The following GRAP2 variants were observed in gnomAD, a reference collection of about 807,000 sequenced individuals.
GRAP2 encodes the protein GRB2 related adaptor protein 2.
GRAP2 carries 31 observed loss-of-function variants against 43.5 expected under a neutral mutation model. That is an observed-to-expected ratio of 0.71 (90% CI 0.54 to 0.96). The LOEUF is 0.96. Ranked by LOEUF, GRAP2 falls within the 40% of genes least tolerant of loss-of-function variation. The pLI, the probability that GRAP2 is intolerant of heterozygous loss-of-function variation, is 0.00. For synonymous variants in GRAP2, 156 were observed against 164.8 expected (o/e 0.95, Z 0.41); for missense variants, 371 against 424.4 (o/e 0.87, Z 1.11).
chr22:39,928,385 TC>T (rs987112615), intron 1 of GRAP2, among the ~76,000 whole-genome samples: 4 of 152,222 alleles, frequency 2.6e-5, no homozygotes, highest in African/African-American at 9.6e-5. Context: ...TAGCCACTAT[TC>T]CCTTCAAGTT....
rs1274892483 is a variant in GRAP2, at chr22:39,973,168, CA to C, written c.*2085del. The stretch of plus-strand genomic sequence containing the variant: ...AAGCCATAAGTAATGTTTGATTTTA[CA>C]GTATTTACAAACCATATGCTTTAAA... On this transcript the variant is annotated 3_prime_UTR_variant, in exon 8 of 8. Transcript: ENST00000344138. 6.6e-6 allele frequency: 1 copy of C among 152,230 alleles called. No homozygotes were observed. Among genetic ancestry groups the C allele is most frequent in the Non-Finnish European group, 1.5e-5 (1 of 68,042 alleles). The allele number at this position is 152,230 out of a possible 1,614,324, so 9.4% of individuals were successfully genotyped here. A position where few individuals can be genotyped will look rare whatever the true frequency, so the allele number is the denominator to read the frequency against.
chr22:39,961,792 T>C lies in GRAP2; in HGVS notation c.290+1618T>C, dbSNP rs562777392. 1.1e-4 allele frequency among the ~76,000 whole-genome samples: 16 copies of C among 152,370 alleles called. No individual in the cohort carries two copies. The South Asian group carries it at 3.3e-3, about 32-fold the overall frequency. On this transcript the variant is annotated intron_variant, in intron 4 of 7. Coordinates refer to ENST00000344138, the MANE Select transcript of GRAP2 (RefSeq NM_004810.4). ...GGCAGGAAATACCGATCTGGTTTAT[T>C]CAATATATTTTGAAAGGCATAAAGC...
At chr22:39,933,827 C>T (rs1347232131) in intron 1 of GRAP2, among the ~76,000 whole-genome samples, 4 of 149,534 alleles carry the variant, frequency 2.7e-5, no homozygotes, top group East Asian at 2.0e-4. Flanking sequence ...AGCAACAGAG[C>T]GAGACCCTGT....
intron 1 of GRAP2, among the ~76,000 whole-genome samples, chr22:39,938,777 A>T (rs1165123846): frequency 6.6e-6 from 1 of 152,252 alleles, no homozygotes; most frequent in Non-Finnish European, 1.5e-5. Flanking sequence ...CCAGAGGATG[A>T]ATCGTTATTC....
intron 1 of GRAP2, among the ~76,000 whole-genome samples, chr22:39,907,510 G>A (rs1272334877): frequency 1.3e-5 from 2 of 152,216 alleles, no homozygotes; most frequent in African/African-American, 2.4e-5. Context: ...GACAAGGTGG[G>A]AGGATTGCTT....
At chr22:39,897,200 C>T (rs1222481118), upstream of GRAP2, among the ~76,000 whole-genome samples, 5 of 152,136 alleles carry the variant, frequency 3.3e-5, no homozygotes, top group Non-Finnish European at 7.4e-5. Flanking sequence ...CCCACGGTCT[C>T]TCCTGTCTCA....
chr22:39,956,830 G>A (rs543599636), intron 3 of GRAP2, among the ~76,000 whole-genome samples: 25 of 152,066 alleles, frequency 1.6e-4, no homozygotes, highest in Non-Finnish European at 3.1e-4. Flanking sequence ...TTTCAATCAC[G>A]GCGTTCCCCA....
intron 1 of GRAP2, among the ~76,000 whole-genome samples, chr22:39,946,236 G>A (rs969610797): frequency 9.2e-5 from 14 of 152,180 alleles, no homozygotes; most frequent in African/African-American, 3.4e-4. Flanking sequence ...ATGAGGAAAT[G>A]GAGACTCCAA....
At chr22:39,912,066 C>T (rs1476097208) in intron 1 of GRAP2, among the ~76,000 whole-genome samples, 1 of 152,150 alleles carries the variant, frequency 6.6e-6, no homozygotes, top group Non-Finnish European at 1.5e-5. Context: ...TAAAATGTTA[C>T]CAGATTCAAA....
At chr22:39,914,886 TA>T (rs886745823) in intron 1 of GRAP2, among the ~76,000 whole-genome samples, 10 of 151,316 alleles carry the variant, frequency 6.6e-5, no homozygotes, top group East Asian at 5.8e-4. Flanking sequence ...CACAACCTTA[TA>T]AAAAAAAATA....
intron 1 of GRAP2, among the ~76,000 whole-genome samples, chr22:39,911,975 T>C (rs931567044): frequency 1.3e-5 from 2 of 152,210 alleles, no homozygotes; most frequent in Non-Finnish European, 2.9e-5. Context: ...CACTCCCATT[T>C]TACCCGCTGT....
chr22:39,933,863 A>G (rs1179040255), intron 1 of GRAP2, among the ~76,000 whole-genome samples: 4 of 151,972 alleles, frequency 2.6e-5, no homozygotes, highest in Non-Finnish European at 4.4e-5. Context: ...AAGAAAAGAA[A>G]GAAAGTTGTG....
chr22:39,912,924 G>A (rs1405553253), intron 1 of GRAP2, among the ~76,000 whole-genome samples: 2 of 152,054 alleles, frequency 1.3e-5, no homozygotes, highest in Non-Finnish European at 2.9e-5. Flanking sequence ...CGGTCACGGT[G>A]GCTCACACCT....
intron 7 of GRAP2, among the ~76,000 whole-genome samples, chr22:39,969,941 A>C (rs1483236351): frequency 6.6e-6 from 1 of 152,036 alleles, no homozygotes; most frequent in African/African-American, 2.4e-5. Flanking sequence ...CAAAACAAAA[A>C]TGCACACACA....
At chr22:39,964,497 G>T in intron 4 of GRAP2, 1 of 1,035,334 alleles carries the variant, frequency 9.7e-7, no homozygotes. Flanking sequence ...AGAAACTCGA[G>T]GTGCTAAAAG....
chr22:39,933,775 A>G (rs2066779557), intron 1 of GRAP2, among the ~76,000 whole-genome samples: 1 of 151,874 alleles, frequency 6.6e-6, no homozygotes. Flanking sequence ...TGGGAGGCGA[A>G]TGTTTCAGTG....
At position 39,934,726 on chromosome 22, in the gene GRAP2, C is replaced by T. The variant is rs190905141; in HGVS notation, c.-14-12367C>T. Reference sequence around the variant, plus strand: ...TTGTTGCTTAATTCCCAAACAGCAGCGGGGTGTGGGGGCACACGATTGTAG... The same window carrying T: ...TTGTTGCTTAATTCCCAAACAGCAGTGGGGTGTGGGGGCACACGATTGTAG... On this transcript the variant is annotated intron_variant, in intron 1 of 7. Transcript: ENST00000344138. Among the ~76,000 whole-genome samples, 7 of 152,168 alleles carry T rather than the reference C, an allele frequency of 4.6e-5. No individual in the cohort carries two copies. The East Asian group carries it at 1.4e-3, about 29-fold the overall frequency.
intron 3 of GRAP2, among the ~76,000 whole-genome samples, chr22:39,958,948 G>A (rs2067086862): frequency 6.6e-6 from 1 of 152,188 alleles, no homozygotes; most frequent in African/African-American, 2.4e-5. Context: ...TCTCCAGTAA[G>A]TACATCCTTC....
chr22:39,951,282 C>T (rs1212759788), intron 2 of GRAP2, among the ~76,000 whole-genome samples: 1 of 152,192 alleles, frequency 6.6e-6, no homozygotes, highest in Admixed American at 6.5e-5. Context: ...ACACACAGCA[C>T]CAGCCTCACA....
Sources: gnomAD v4.1 joint callset for allele counts (sites outside exome capture counted in the v4.1 genomes callset) on GRCh38, gnomAD v4.1.1 for gene constraint, MANE v1.5 for transcripts, NCBI Gene and HGNC (gene_info 2026-07-23, HGNC 2026-07-21) for gene names.